MAP1LC3A: variants seen among roughly 807,000 people sequenced by gnomAD.
The protein encoded by MAP1LC3A is microtubule associated protein 1 light chain 3 alpha.
MAP1LC3A carries 10 observed loss-of-function variants against 15.2 expected under a neutral mutation model. That is an observed-to-expected ratio of 0.66 (90% CI 0.41 to 1.12). The LOEUF is 1.12. MAP1LC3A is among the 50% of genes most tolerant of loss of function. The pLI is 0.00. For missense variants in MAP1LC3A, 138 were observed against 167.3 expected (o/e 0.82, Z 0.97); for synonymous variants, 63 against 64.3 (o/e 0.98, Z 0.10).
At chr20:34,547,957 T>G (rs1981802297) in intron 1 of MAP1LC3A, among the ~76,000 whole-genome samples, 1 of 152,000 alleles carries the variant, frequency 6.6e-6, no homozygotes, top group Admixed American at 6.6e-5. Flanking sequence ...GTGCTCGGCC[T>G]TGCTTCTGCA....
chr20:34,558,586 T>C, upstream of MAP1LC3A: 5 of 1,193,822 alleles, frequency 4.2e-6, no homozygotes, highest in Non-Finnish European at 5.2e-6. The surrounding 1 kb of genome is among the most constrained non-coding windows in gnomAD (Gnocchi z 4.3). Flanking sequence ...GCCCCGCCCC[T>C]CGCGTCCCGG....
intron 2 of MAP1LC3A, among the ~76,000 whole-genome samples, chr20:34,551,189 T>A (rs981714636): frequency 2.6e-5 from 4 of 150,960 alleles, no homozygotes; most frequent in Non-Finnish European, 4.4e-5. Context: ...AAGGTGGAGG[T>A]TGCAGTGAGC....
At position 34,559,273 on chromosome 20, in the gene MAP1LC3A, G is replaced by C; in HGVS notation, c.96+10G>C. 2 of 1,599,172 alleles carry C rather than the reference G, an allele frequency of 1.3e-6. No homozygotes were observed. The highest frequency in any genetic ancestry group is 8.5e-7 in the Non-Finnish European group (1 of 1,174,068). On this transcript the variant is annotated intron_variant, in intron 2 of 3. Transcript: ENST00000360668. ...CCCCAGCAAAATCCCGGTGAGTCCC[G>C]CACCCCCAGCCCTGCCCCGCCCCCG...
chr20:34,551,467 C>CTTTTTTTTTTTTTTTTTTTTTTTTTTTTT (rs58191574), intron 2 of MAP1LC3A, among the ~76,000 whole-genome samples: 1 of 104,812 alleles, frequency 9.5e-6, no homozygotes, highest in Non-Finnish European at 1.9e-5. Flanking sequence ...GAACGCTGTC[C>CTTTTTTTTTTTTTTTTTTTTTTTTTTTTT]TTTTTTTTTT....
chr20:34,559,015 G>A (rs1176698367), intron 1 of MAP1LC3A, 107 bp downstream of exon 1: 15 of 1,336,076 alleles, frequency 1.1e-5, no homozygotes, highest in Non-Finnish European at 1.4e-5. Context: ...CTGGACCCTC[G>A]GGCTGGGACC....
chr20:34,547,746 C>G (rs6088523), intron 1 of MAP1LC3A, among the ~76,000 whole-genome samples: 57,236 of 151,952 alleles, frequency 0.38, 11,213 homozygotes, highest in Admixed American at 0.54. Context: ...AGAACTGTGC[C>G]TCAGTTAAAC....
Position 34,558,787 on chromosome 20 carries a change from G to GCGGAGCCCC in MAP1LC3A, c.-71_-63dup, listed in dbSNP as rs902227035. 4.5e-5 allele frequency: 61 copies of GCGGAGCCCC among 1,355,814 alleles called. No homozygotes were observed. Among genetic ancestry groups the GCGGAGCCCC allele is most frequent in the South Asian group, 1.8e-4 (10 of 54,566 alleles). The allele number at this position is 1,355,814 out of a possible 1,614,324, so 84.0% of individuals were successfully genotyped here. A position where few individuals can be genotyped will look rare whatever the true frequency, so the allele number is the denominator to read the frequency against. On this transcript the variant is annotated 5_prime_UTR_variant, in exon 1 of 4. Transcript: ENST00000360668. The surrounding 1 kb of genome is among the most constrained non-coding windows in gnomAD (Gnocchi z 4.3). ...GCCCCGGAGCCCTTGAGCGCGAGGC[G>GCGGAGCCCC]CGGAGCCCCCGGAGCCCCCAAACCG...
upstream of MAP1LC3A, among the ~76,000 whole-genome samples, chr20:34,555,991 C>T (rs558135135): frequency 7.2e-5 from 11 of 152,108 alleles, no homozygotes; most frequent in East Asian, 1.4e-3. Context: ...TACAGGCGCC[C>T]GCCACCACGC....
chr20:34,549,386 C>A (rs777962153), intron 1 of MAP1LC3A, among the ~76,000 whole-genome samples: 7 of 152,186 alleles, frequency 4.6e-5, no homozygotes, highest in Non-Finnish European at 7.3e-5. Context: ...GACCCTGACT[C>A]AGACTTCAGC....
intron 3 of MAP1LC3A, 123 bp downstream of exon 3, chr20:34,559,576 G>T: frequency 8.1e-7 from 1 of 1,229,690 alleles, no homozygotes. Context: ...GTTCTGGGGT[G>T]GCTGGAAAGG....
chr20:34,558,303 CTG>C (rs757485794), upstream of MAP1LC3A: 9 of 985,934 alleles, frequency 9.1e-6, no homozygotes, highest in African/African-American at 3.5e-5. The surrounding 1 kb of genome is among the most constrained non-coding windows in gnomAD (Gnocchi z 4.3). Context: ...CTGTGTCTGA[CTG>C]TGCCTCCCGC....
chr20:34,551,453 A>T (rs888061488), intron 2 of MAP1LC3A, among the ~76,000 whole-genome samples: 1 of 146,668 alleles, frequency 6.8e-6, no homozygotes, highest in African/African-American at 2.5e-5. Flanking sequence ...GAACCTTCCA[A>T]GGGGAACGCT....
chr20:34,547,601 A>G (rs1312241614), intron 1 of MAP1LC3A, among the ~76,000 whole-genome samples: 1 of 151,912 alleles, frequency 6.6e-6, no homozygotes, highest in East Asian at 1.9e-4. Flanking sequence ...TTCCCGTGAT[A>G]GTTCTCACAA....
At chr20:34,552,668 G>A (rs11167239) in intron 2 of MAP1LC3A, among the ~76,000 whole-genome samples, 65,632 of 152,198 alleles carry the variant, frequency 0.43, 14,756 homozygotes, top group Non-Finnish European at 0.5. Context: ...TGTCCTGAGA[G>A]CGGACTGAAG....
chr20:34,550,354 A>C lies in MAP1LC3A; in HGVS notation c.52+325A>C, dbSNP rs572847884. Among the ~76,000 whole-genome samples the C allele has an allele frequency of 6.6e-5, 10 of 152,298 alleles. No homozygotes were observed. In the East Asian group the frequency reaches 1.7e-3, roughly 26 times the overall value. ...CAGACTCTGTCCCTGCGCATGGTCT[A>C]GAGGGGGAGATAGACCTTCTAGATG... On this transcript the variant is annotated intron_variant, in intron 2 of 4. Coordinates refer to the MAP1LC3A transcript ENST00000374837.
In MAP1LC3A at chr20:34,558,831, CCA is replaced by C; in HGVS notation, c.-37_-36del. The C allele has an allele frequency of 7.0e-7, 1 of 1,428,276 alleles. No individual in the cohort carries two copies. The highest frequency in any genetic ancestry group is 9.1e-7 in the Non-Finnish European group (1 of 1,097,688). 88.5% of individuals were successfully genotyped at this position (1,428,276 alleles called of 1,614,324 possible). A position where few individuals can be genotyped will look rare whatever the true frequency, so the allele number is the denominator to read the frequency against. On this transcript the variant is annotated 5_prime_UTR_variant, in exon 1 of 4. Transcript: ENST00000360668. The surrounding 1 kb of genome is among the most constrained non-coding windows in gnomAD (Gnocchi z 4.3). ...CAAACCGCAGACACATCCCCGCGCC[CCA>C]GAGCCCCGGCCTGCGCGCCCAGCCG...
At chr20:34,552,987 G>A (rs779812514) in intron 2 of MAP1LC3A, among the ~76,000 whole-genome samples, 4 of 152,116 alleles carry the variant, frequency 2.6e-5, no homozygotes, top group Non-Finnish European at 5.9e-5. Flanking sequence ...CCAGGAGTTC[G>A]AGACCAGCCT....
chr20:34,548,338 T>A (rs1981815981), intron 1 of MAP1LC3A, among the ~76,000 whole-genome samples: 1 of 152,144 alleles, frequency 6.6e-6, no homozygotes, highest in African/African-American at 2.4e-5. Flanking sequence ...CATGAGTGGC[T>A]GGAGGCTGCG....
chr20:34,559,582 A>T (rs976118472), intron 3 of MAP1LC3A, 129 bp downstream of exon 3: 44 of 1,234,832 alleles, frequency 3.6e-5, no homozygotes, highest in Admixed American at 3.0e-4. Flanking sequence ...GGGTGGCTGG[A>T]AAGGTCAAGG....
Sources: allele counts gnomAD v4.1 joint callset (sites outside exome capture counted in the v4.1 genomes callset), GRCh38; gene constraint gnomAD v4.1.1; non-coding constraint Gnocchi (gnomAD v3.1); transcripts MANE v1.5; gene names NCBI Gene and HGNC (gene_info 2026-07-23, HGNC 2026-07-21).